ERBIN: variants seen among roughly 807,000 people sequenced by gnomAD.
The protein encoded by ERBIN is densin-180-like protein.
In ERBIN, 60 loss-of-function variants were observed where a neutral mutation model predicts 158.4. The observed-to-expected ratio is 0.38, with a 90% CI of 0.31 to 0.47. The LOEUF (loss-of-function observed/expected upper bound fraction) is 0.47. ERBIN is among the 20% of genes least tolerant of loss of function. The pLI, the probability that ERBIN is intolerant of heterozygous loss-of-function variation, is 0.99. For synonymous variants in ERBIN, 594 were observed against 557.2 expected (o/e 1.07, Z -0.93); for missense variants, 1,610 against 1,648.0 (o/e 0.98, Z 0.40).
At chr5:66,032,709 T>G (rs1757009948) in intron 14 of ERBIN, among the ~76,000 whole-genome samples, 1 of 152,118 alleles carries the variant, frequency 6.6e-6, no homozygotes, top group Admixed American at 6.5e-5. Flanking sequence ...TGGAGGACAT[T>G]GTCATACTCT....
At chr5:66,034,937 A>G (rs1024946785) in intron 14 of ERBIN, among the ~76,000 whole-genome samples, 4 of 152,264 alleles carry the variant, frequency 2.6e-5, no homozygotes, top group African/African-American at 7.2e-5. Flanking sequence ...ACAGGAGTAA[A>G]TGGTGGGAAG....
Position 66,050,541 on chromosome 5 carries a change from G to A in ERBIN, c.1904-242G>A, listed in dbSNP as rs531608439. Reference sequence around the variant, plus strand: ...ATTACAGGCGTGAGCCACCGCGCCCGGCCTAAATCGAATTCTTAATAACCC... The same window carrying A: ...ATTACAGGCGTGAGCCACCGCGCCCAGCCTAAATCGAATTCTTAATAACCC... On this transcript the variant is annotated intron_variant, in intron 19 of 25. Coordinates refer to ENST00000284037, the MANE Select transcript of ERBIN (RefSeq NM_001253697.2). 2.0e-3 allele frequency among the ~76,000 whole-genome samples: 11 copies of A among 5,402 alleles called. 4 individuals are homozygous for A. The highest frequency in any genetic ancestry group is 6.6e-3 in the Admixed American group (11 of 1,672). The allele number at this position is 5,402 out of a possible 152,430, so 3.5% of individuals were successfully genotyped here.
chr5:66,044,424 A>G, intron 17 of ERBIN, 114 bp downstream of exon 17: 2 of 990,700 alleles, frequency 2.0e-6, no homozygotes, highest in Non-Finnish European at 2.9e-6. Context: ...GCACCACAGA[A>G]TGATATTTCG....
At chr5:65,939,720 T>A (rs1292085938) in intron 1 of ERBIN, among the ~76,000 whole-genome samples, 1 of 152,268 alleles carries the variant, frequency 6.6e-6, no homozygotes, top group African/African-American at 2.4e-5. Flanking sequence ...CTGGTTTTCC[T>A]ATTTTTTTGG....
At chr5:66,029,853 G>A (rs1018996465) in intron 14 of ERBIN, among the ~76,000 whole-genome samples, 1 of 152,092 alleles carries the variant, frequency 6.6e-6, no homozygotes, top group Non-Finnish European at 1.5e-5. Flanking sequence ...CCTCCCAAAA[G>A]TGCTGGGATT....
At chr5:66,062,321 C>T (rs1760487910) in intron 21 of ERBIN, among the ~76,000 whole-genome samples, 1 of 152,168 alleles carries the variant, frequency 6.6e-6, no homozygotes, top group Non-Finnish European at 1.5e-5. Context: ...CCCTTTCTTC[C>T]AGTTGATCGC....
At chr5:66,045,537 CTG>C (rs200916961) in intron 17 of ERBIN, among the ~76,000 whole-genome samples, 8,736 of 152,060 alleles carry the variant, frequency 0.057, 877 homozygotes, top group African/African-American at 0.2. Context: ...TAAGTACACT[CTG>C]TGATGTTCAC....
chr5:66,054,001 C>T lies in ERBIN; in HGVS notation c.2683C>T (p.Pro895Ser). The T allele has an allele frequency of 6.2e-7, 1 of 1,614,084 alleles. No individual in the cohort carries two copies. The highest frequency in any genetic ancestry group is 8.5e-7 in the Non-Finnish European group (1 of 1,180,014). Residue 895 changes from proline to serine, a missense_variant, in exon 21 of 26, where the codon CCA (proline) becomes TCA (serine). Pro to Ser is a moderately conservative substitution (Grantham distance 74, BLOSUM62 -1). Around this residue, in one of 2 missense-constraint regions of ERBIN, gnomAD observed 1,014 missense variants for 936.1 expected, o/e 1.08. Transcript: ENST00000284037. ...TCTTAGTGATAATGGACCTCAGCAG[C>T]CAAGTACAACCGTTAAAATCACATC... ...DILSDNGPQQ[P>S]STTVKITSAV...
At chr5:66,006,495 T>C (rs991807166) in intron 4 of ERBIN, among the ~76,000 whole-genome samples, 10 of 152,288 alleles carry the variant, frequency 6.6e-5, no homozygotes, top group African/African-American at 2.4e-4. Flanking sequence ...AAGGACTTCA[T>C]GTCTAAAACA....
chr5:66,048,770 A>G lies in ERBIN; in HGVS notation c.1892A>G (p.Asn631Ser), dbSNP rs1458392771. 1 of 1,588,620 alleles carries G rather than the reference A, an allele frequency of 6.3e-7. No homozygotes were observed. The highest frequency in any genetic ancestry group is 2.3e-5 in the East Asian group (1 of 44,076). ...CAGCCAAAAGTCGTAGCACTTAGTA[A>G]TAACAAAAAAGGTTAGATGTTAAAG... The part of the protein sequence containing the change: ...INQPKVVALS[N>S]NKKDDTKETD... Residue 631 changes from asparagine to serine, a missense_variant, in exon 19 of 26, where the codon AAT becomes AGT. Asn to Ser is a conservative substitution (Grantham distance 46). This residue lies in a region of ERBIN where 1,014 missense variants were observed against 936.1 expected (regional missense o/e 1.08). Transcript: ENST00000284037.
intron 1 of ERBIN, among the ~76,000 whole-genome samples, chr5:65,959,574 A>C (rs1747687193): frequency 6.6e-6 from 1 of 152,126 alleles, no homozygotes; most frequent in South Asian, 2.1e-4. Flanking sequence ...CTGAGGATGG[A>C]CTTCATAGTT....
intron 23 of ERBIN, among the ~76,000 whole-genome samples, chr5:66,075,609 AG>A (rs946655769): frequency 6.6e-6 from 1 of 152,232 alleles, no homozygotes; most frequent in African/African-American, 2.4e-5. Context: ...AACTACTTTG[AG>A]TATTTAATCT....
intron 4 of ERBIN, among the ~76,000 whole-genome samples, chr5:66,006,730 C>G (rs1468913972): frequency 1.3e-5 from 2 of 151,966 alleles, no homozygotes. Context: ...GTAGGCAAAG[C>G]ATATGAACAG....
At chr5:65,979,316 T>G (rs772165660) in intron 1 of ERBIN, among the ~76,000 whole-genome samples, 4 of 152,108 alleles carry the variant, frequency 2.6e-5, no homozygotes, top group African/African-American at 7.2e-5. Context: ...TAGTCCCAAC[T>G]ATTTGGGAGA....
At chr5:66,008,470 C>G (rs2151094449) in intron 4 of ERBIN, among the ~76,000 whole-genome samples, 1 of 152,148 alleles carries the variant, frequency 6.6e-6, no homozygotes, top group African/African-American at 2.4e-5. Flanking sequence ...GGAGATGATC[C>G]AAGCATTAAT....
At chr5:66,072,352 G>A in intron 22 of ERBIN, 61 bp downstream of exon 22, 4 of 1,525,896 alleles carry the variant, frequency 2.6e-6, no homozygotes, top group Non-Finnish European at 3.5e-6. Flanking sequence ...GCAGCTTTTG[G>A]ACTAGATATT....
At chr5:66,063,537 A>C (rs1053616493) in intron 21 of ERBIN, among the ~76,000 whole-genome samples, 8 of 152,078 alleles carry the variant, frequency 5.3e-5, no homozygotes, top group Admixed American at 1.3e-4. Context: ...GGTGTGCTGC[A>C]CCCACTGTTC....
At chr5:65,939,475 C>T (rs1744512694) in intron 1 of ERBIN, among the ~76,000 whole-genome samples, 2 of 152,040 alleles carry the variant, frequency 1.3e-5, no homozygotes, top group African/African-American at 2.4e-5. Flanking sequence ...AGATCCAGCC[C>T]AGCATCTTCA....
intron 1 of ERBIN, among the ~76,000 whole-genome samples, chr5:65,983,899 AG>A (rs1750924816): frequency 6.6e-6 from 1 of 152,184 alleles, no homozygotes; most frequent in African/African-American, 2.4e-5. Flanking sequence ...AGAAAGGGCC[AG>A]GTGCTCAAGC....
Sources: gnomAD v4.1 joint callset for allele counts (sites outside exome capture counted in the v4.1 genomes callset) on GRCh38, gnomAD v4.1.1 for gene constraint, gnomAD v4.1.1 regional missense constraint, MANE v1.5 for transcripts, NCBI Gene and HGNC (gene_info 2026-07-23, HGNC 2026-07-21) for gene names.